CSN1S1: variants seen among roughly 807,000 people sequenced by gnomAD.
The protein encoded by CSN1S1 is alpha-S1-casein.
CSN1S1 carries 63 observed loss-of-function variants against 49.1 expected under a neutral mutation model. That is an observed-to-expected ratio of 1.28 (90% CI 1.05 to 1.58). CSN1S1 has a LOEUF of 1.58. CSN1S1 is among the 40% of genes most tolerant of loss of function. The pLI, the probability that CSN1S1 is intolerant of heterozygous loss-of-function variation, is 0.00. For synonymous variants in CSN1S1, 78 were observed against 67.1 expected, an observed-to-expected ratio of 1.16 and a Z score of -0.79; for missense variants, 260 against 224.7, an observed-to-expected ratio of 1.16 and a Z score of -1.01.
rs752606369 is a variant in CSN1S1 at position 69,936,482 on chromosome 4, A to G, written c.153+3A>G. 2 of 1,576,622 alleles carry G rather than the reference A, an allele frequency of 1.3e-6. No homozygotes were observed. The highest frequency in any genetic ancestry group is 2.7e-5 in the African/African-American group (2 of 74,102). ...AATACATGAATGGTATGAACAGGGTAAGAAACATCAATGAAATTTAAATTA... is the reference window on the plus strand; with the variant it reads ...AATACATGAATGGTATGAACAGGGTGAGAAACATCAATGAAATTTAAATTA... On this transcript the variant is annotated splice_donor_region_variant and intron_variant, in intron 6 of 15. Transcript: ENST00000246891.
At chr4:69,939,394 A>C (rs540957361) in intron 10 of CSN1S1, among the ~76,000 whole-genome samples, 186 bp downstream of exon 10, 1 of 151,870 alleles carries the variant, frequency 6.6e-6, no homozygotes, top group Non-Finnish European at 1.5e-5. Context: ...GTCAGAGACA[A>C]ATTGACAAAA....
chr4:69,935,154 T>C (rs1218768370), intron 4 of CSN1S1, among the ~76,000 whole-genome samples: 1 of 152,078 alleles, frequency 6.6e-6, no homozygotes, highest in Non-Finnish European at 1.5e-5. Flanking sequence ...GAAGGAAAGT[T>C]TCTCAGGCTT....
chr4:69,933,440 T>C (rs1338539938), intron 2 of CSN1S1, among the ~76,000 whole-genome samples: 1 of 151,924 alleles, frequency 6.6e-6, no homozygotes, highest in Non-Finnish European at 1.5e-5. Context: ...TTCTCTAAAT[T>C]CTCCTTTGGA....
intron 15 of CSN1S1, 56 bp downstream of exon 15, chr4:69,945,060 T>C (rs2109732109): frequency 6.4e-7 from 1 of 1,570,258 alleles, no homozygotes; most frequent in East Asian, 2.2e-5. Flanking sequence ...TGAAATAGAA[T>C]AGCTTGGAGA....
Position 69,940,047 on chromosome 4 carries a change from A to G in CSN1S1, c.300+3A>G. 2 of 1,382,026 alleles carry G rather than the reference A, an allele frequency of 1.4e-6. No homozygotes were observed. The highest frequency in any genetic ancestry group is 2.0e-6 in the Non-Finnish European group (2 of 1,025,102). 85.6% of individuals were successfully genotyped at this position (1,382,026 alleles called of 1,614,324 possible). ...AAATGTCTCTCAGTAAGTGTGCGGT[A>G]AGACATATTTGCTAAATTTAAAATA... On this transcript the variant is annotated splice_donor_region_variant and intron_variant, in intron 11 of 15. Transcript: ENST00000246891.
intron 15 of CSN1S1, among the ~76,000 whole-genome samples, chr4:69,945,874 C>G (rs1391226591): frequency 6.6e-6 from 1 of 151,618 alleles, no homozygotes; most frequent in Non-Finnish European, 1.5e-5. Context: ...TTTCCTTTTC[C>G]AGTGGTGGAA....
At chr4:69,931,583 G>A (rs991738750) in intron 1 of CSN1S1, among the ~76,000 whole-genome samples, 1 of 151,794 alleles carries the variant, frequency 6.6e-6, no homozygotes, top group East Asian at 1.9e-4. Context: ...TAGATAATTA[G>A]CTATTGATGG....
chr4:69,945,876 G>T (rs1394924324), intron 15 of CSN1S1, among the ~76,000 whole-genome samples: 1 of 151,798 alleles, frequency 6.6e-6, no homozygotes, highest in Non-Finnish European at 1.5e-5. Context: ...TCCTTTTCCA[G>T]TGGTGGAAAC....
chr4:69,931,311 A>C (rs1440211534), intron 1 of CSN1S1, among the ~76,000 whole-genome samples, 194 bp downstream of exon 1: 1 of 152,020 alleles, frequency 6.6e-6, no homozygotes, highest in Non-Finnish European at 1.5e-5. Context: ...GAATCAATAC[A>C]GTTTTATAAA....
chr4:69,946,194 A>G lies in CSN1S1; in HGVS notation c.*-2A>G. On this transcript the variant is annotated splice_acceptor_variant, in intron 15 of 15. Coordinates refer to ENST00000246891, the MANE Select transcript of CSN1S1 (RefSeq NM_001890.2). LOFTEE classifies it high-confidence loss of function. Reference sequence around the variant, plus strand: ...ACCACATATTTCTATTTCTATTTACAGATATGATTGAAAATTTCATTCTCT... The same window carrying G: ...ACCACATATTTCTATTTCTATTTACGGATATGATTGAAAATTTCATTCTCT... The G allele has an allele frequency of 3.6e-6, 2 of 552,632 alleles. No individual in the cohort carries two copies. The highest frequency in any genetic ancestry group is 6.7e-6 in the Non-Finnish European group (2 of 297,904). 34.2% of individuals were successfully genotyped at this position (552,632 alleles called of 1,614,324 possible).
intron 3 of CSN1S1, 52 bp downstream of exon 3, chr4:69,934,296 A>G: frequency 2.0e-6 from 3 of 1,533,662 alleles, no homozygotes; most frequent in South Asian, 2.3e-5. Context: ...TGAAGCACAA[A>G]CTCCAAATGT....
rs1722987476 is a variant in CSN1S1 at position 69,942,062 on chromosome 4, A to G, written c.359A>G (p.Gln120Arg). The G allele has an allele frequency of 6.9e-7, 1 of 1,456,390 alleles. No individual in the cohort carries two copies. Among genetic ancestry groups the G allele is most frequent in the Non-Finnish European group, 9.3e-7 (1 of 1,079,142 alleles). The allele number at this position is 1,456,390 out of a possible 1,614,324, so 90.2% of individuals were successfully genotyped here. Reference protein sequence around the residue: ...NQLQLQAAHAQEQIRRMNENS... With the variant: ...NQLQLQAAHAREQIRRMNENS... The stretch of plus-strand genomic sequence containing the variant: ...CCTCCCTAGCAAGCTGCCCATGCCC[A>G]GGTGAGATTATTTATTAAATCTAAA... Residue 120 changes from glutamine to arginine, a missense_variant and splice_region_variant, in exon 13 of 16, where the codon CAG becomes CGG. Coordinates refer to ENST00000246891, the MANE Select transcript of CSN1S1 (RefSeq NM_001890.2).
intron 7 of CSN1S1, 132 bp downstream of exon 7, chr4:69,936,739 G>T: frequency 7.9e-6 from 6 of 761,116 alleles, no homozygotes; most frequent in Non-Finnish European, 1.3e-5. Flanking sequence ...TCATACATTT[G>T]TAGTGACTAA....
intron 14 of CSN1S1, among the ~76,000 whole-genome samples, chr4:69,944,592 A>G: frequency 6.6e-6 from 1 of 151,870 alleles, no homozygotes; most frequent in Non-Finnish European, 1.5e-5. Flanking sequence ...GGGTTCTTGG[A>G]GTTCAGTTTT....
Position 69,939,008 on chromosome 4 carries a change from A to T in CSN1S1, c.244-168A>T, listed in dbSNP as rs1467147449. ...ACCTACCACCATAATTTTTCAAGTA[A>T]AATTCACACTCCAAGAAAATACAAT... On this transcript the variant is annotated intron_variant, in intron 9 of 15. Transcript: ENST00000246891. 3.3e-5 allele frequency among the ~76,000 whole-genome samples: 5 copies of T among 151,780 alleles called. No individual in the cohort carries two copies. The East Asian group carries it at 9.7e-4, about 29-fold the overall frequency.
intron 4 of CSN1S1, among the ~76,000 whole-genome samples, chr4:69,935,415 C>G (rs1388353): frequency 6.6e-6 from 1 of 151,578 alleles, no homozygotes. Flanking sequence ...TCGGATGTGG[C>G]GGCATGCACT....
In CSN1S1 at chr4:69,935,843, G is replaced by A. The variant is rs1049544861; in HGVS notation, c.106-83G>A. 110 of 880,248 alleles carry A rather than the reference G, an allele frequency of 1.2e-4. 1 individual carries two copies. The highest frequency in any genetic ancestry group is 1.7e-4 in the Non-Finnish European group (96 of 551,816). The allele number at this position is 880,248 out of a possible 1,614,324, so 54.5% of individuals were successfully genotyped here. On this transcript the variant is annotated intron_variant, in intron 4 of 15. Transcript: ENST00000246891. ...TAATTGTTGAATAGAAGAACATAAC[G>A]TTTTAATTCAAGGACATTATCTAAA...
At chr4:69,944,565 G>T (rs563824144) in intron 14 of CSN1S1, among the ~76,000 whole-genome samples, 2 of 151,970 alleles carry the variant, frequency 1.3e-5, no homozygotes, top group Non-Finnish European at 1.5e-5. Context: ...TCTGATAAGT[G>T]GACCTGTGAG....
chr4:69,940,890 A>G (rs932944872), intron 11 of CSN1S1, 129 bp from the exon 12 acceptor site: 10 of 498,782 alleles, frequency 2.0e-5, no homozygotes, highest in Admixed American at 8.3e-5. Context: ...AATGGCACTC[A>G]GGTGTAATAG....
Sources: gnomAD v4.1 joint callset for allele counts (sites outside exome capture counted in the v4.1 genomes callset) on GRCh38, gnomAD v4.1.1 for gene constraint, MANE v1.5 for transcripts, NCBI Gene and HGNC (gene_info 2026-07-23, HGNC 2026-07-21) for gene names.